The following AP3B2 variants were observed in gnomAD, a reference collection of about 807,000 sequenced individuals.
AP3B2 encodes the protein adaptor related protein complex 3 subunit beta 2, also known as AP-3 complex subunit beta-2.
AP3B2 carries 50 observed loss-of-function variants against 126.9 expected under a neutral mutation model. The ratio of observed to expected loss-of-function variants is 0.39; its 90% CI spans 0.31 to 0.50. AP3B2 has a LOEUF of 0.50. Among genes scored for constraint, AP3B2 ranks in the 20% least tolerant of loss-of-function variants. The probability of loss-of-function intolerance (pLI) is 0.79; values close to 1 mark genes in which losing one functional copy is unlikely to be tolerated. For missense variants in AP3B2, 1,177 were observed against 1,426.4 expected (o/e 0.83, Z 2.82); for synonymous variants, 541 against 565.0 (o/e 0.96, Z 0.60).
intron 25 of AP3B2, among the ~76,000 whole-genome samples, chr15:82,660,600 C>G (rs959452460): frequency 7.2e-5 from 11 of 152,312 alleles, no homozygotes; most frequent in African/African-American, 2.6e-4. Flanking sequence ...ATCCAGGCCC[C>G]CCATGGGAGC....
At chr15:82,675,820 G>A (rs2048233049) in intron 14 of AP3B2, among the ~76,000 whole-genome samples, 1 of 152,108 alleles carries the variant, frequency 6.6e-6, no homozygotes. Flanking sequence ...AAATCGTCAT[G>A]GTGTTTGATG....
intron 20 of AP3B2, 26 bp from the exon 21 acceptor site, chr15:82,663,646 T>C: frequency 2.5e-6 from 4 of 1,613,496 alleles, no homozygotes; most frequent in Non-Finnish European, 3.4e-6. Context: ...GGGATGTGGG[T>C]GTGGGGAAGG....
intron 3 of AP3B2, 88 bp downstream of exon 3, chr15:82,689,070 G>A (rs933795874): frequency 9.4e-6 from 14 of 1,481,620 alleles, no homozygotes; most frequent in Middle Eastern, 1.7e-4. Flanking sequence ...GGGCCCCCAG[G>A]GGCTAAATCA....
chr15:82,664,742 A>G lies in AP3B2; in HGVS notation c.2137+93T>C, dbSNP rs2048021380. On this transcript the variant is annotated intron_variant, in intron 18 of 26. Coordinates refer to ENST00000535359, the MANE Select transcript of AP3B2 (RefSeq NM_001278512.2). The surrounding 1 kb of genome is among the most constrained non-coding windows in gnomAD (Gnocchi z 4.5). ...AATTCACAAGCAGGTGCACACCCCT[A>G]GACACACAACCATATACATATACCC... is the stretch of plus-strand genomic sequence containing the variant. The G allele has an allele frequency of 5.6e-6, 6 of 1,071,784 alleles. No individual in the cohort carries two copies. The South Asian group carries it at 7.5e-5, about 13-fold the overall frequency. 66.4% of individuals were successfully genotyped at this position (1,071,784 alleles called of 1,614,324 possible).
chr15:82,664,293 A>G lies in AP3B2; in HGVS notation c.2261+74T>C. 1.2e-6 allele frequency: 2 copies of G among 1,606,536 alleles called. No individual in the cohort carries two copies. The highest frequency in any genetic ancestry group is 1.7e-6 in the Non-Finnish European group (2 of 1,178,212). Reference sequence around the variant, plus strand: ...CTCAGGGGCTCTTAGGAGACTGGCTAAAGCTCAATGCTAGCCCTCTTTCCA... The same window carrying G: ...CTCAGGGGCTCTTAGGAGACTGGCTGAAGCTCAATGCTAGCCCTCTTTCCA... On this transcript the variant is annotated intron_variant, in intron 19 of 26. Coordinates refer to ENST00000535359, the MANE Select transcript of AP3B2 (RefSeq NM_001278512.2). This position sits in a 1 kb window ranked among gnomAD's most constrained non-coding sequence, Gnocchi z 4.5.
In AP3B2 at chr15:82,699,868, C is replaced by T. The variant is rs139297857; in HGVS notation, c.113+9726G>A. On this transcript the variant is annotated intron_variant, in intron 1 of 26. Coordinates refer to ENST00000535359, the MANE Select transcript of AP3B2 (RefSeq NM_001278512.2). ...CACGGCCCCCGGGAGCTGCAGGAATCGCTGCATCAGGTTCTTCTCCAGGAA... is the reference window on the plus strand; with the variant it reads ...CACGGCCCCCGGGAGCTGCAGGAATTGCTGCATCAGGTTCTTCTCCAGGAA... The T allele has an allele frequency of 7.8e-4, 313 of 399,776 alleles. 1 individual carries two copies. Among genetic ancestry groups the T allele is most frequent in the East Asian group, 6.1e-3 (170 of 28,086 alleles). The allele number at this position is 399,776 out of a possible 1,614,324, so 24.8% of individuals were successfully genotyped here.
intron 1 of AP3B2, among the ~76,000 whole-genome samples, chr15:82,696,823 G>T (rs544908898): frequency 2.0e-5 from 3 of 152,262 alleles, no homozygotes; most frequent in South Asian, 2.1e-4. Flanking sequence ...AGTGATCAGA[G>T]AATTGTTAAT....
At chr15:82,701,763 G>A (rs1336559489) in intron 1 of AP3B2, among the ~76,000 whole-genome samples, 1 of 152,148 alleles carries the variant, frequency 6.6e-6, no homozygotes, top group East Asian at 1.9e-4. Context: ...TCATTTTTCT[G>A]TATGTTTTAA....
intron 22 of AP3B2, 69 bp downstream of exon 22, chr15:82,663,058 C>A: frequency 1.3e-6 from 2 of 1,508,994 alleles, no homozygotes; most frequent in Non-Finnish European, 1.8e-6. Flanking sequence ...CCACACACAT[C>A]CACACCATAG....
Position 82,680,477 on chromosome 15 carries a change from G to T in AP3B2, c.1050C>A (p.Ser350Arg). Residue 350 changes from serine (S) to arginine (R), a missense_variant, in exon 8 of 27, where the codon AGC becomes AGA. Around this residue, in one of 5 missense-constraint regions of AP3B2, gnomAD observed 308 missense variants for 452.4 expected, o/e 0.68. Coordinates refer to ENST00000535359, the MANE Select transcript of AP3B2 (RefSeq NM_001278512.2). This position sits in a 1 kb window ranked among gnomAD's most constrained non-coding sequence, Gnocchi z 6.1. ...IAKALVRLLRSHSEVQYVVLQ... is the reference protein window; with the variant it reads ...IAKALVRLLRRHSEVQYVVLQ... ...GGGCTGGGGGCGGAGCGCACCTGTGGCTGCGCAGCAGGCGCACCAGCGCCT... is the reference window on the plus strand; with the variant it reads ...GGGCTGGGGGCGGAGCGCACCTGTGTCTGCGCAGCAGGCGCACCAGCGCCT... 1 of 1,502,304 alleles carries T rather than the reference G, an allele frequency of 6.7e-7. No individual in the cohort carries two copies. Among genetic ancestry groups the T allele is most frequent in the South Asian group, 1.3e-5 (1 of 79,748 alleles). The allele number at this position is 1,502,304 out of a possible 1,614,324, so 93.1% of individuals were successfully genotyped here. A position where few individuals can be genotyped will look rare whatever the true frequency, so the allele number is the denominator to read the frequency against.
intron 4 of AP3B2, among the ~76,000 whole-genome samples, chr15:82,684,093 T>C (rs2048388041): frequency 1.3e-5 from 2 of 152,224 alleles, no homozygotes; most frequent in Non-Finnish European, 2.9e-5. Context: ...CATTGAGCAC[T>C]GGCCTCAACT....
At chr15:82,709,550 C>G in intron 1 of AP3B2, 44 bp downstream of exon 1, 1 of 1,399,286 alleles carries the variant, frequency 7.1e-7, no homozygotes, top group South Asian at 1.4e-5. Flanking sequence ...TCGCCCGGTC[C>G]CCGGCCCCAA....
chr15:82,674,033 G>A (rs1178712821), intron 14 of AP3B2, among the ~76,000 whole-genome samples: 1 of 152,108 alleles, frequency 6.6e-6, no homozygotes, highest in African/African-American at 2.4e-5. Context: ...TGCATGTTAT[G>A]CCTTTGTGGC....
chr15:82,706,738 T>A (rs932061937), intron 1 of AP3B2, among the ~76,000 whole-genome samples: 4 of 152,178 alleles, frequency 2.6e-5, no homozygotes, highest in Non-Finnish European at 5.9e-5. Flanking sequence ...CTTTCGTCAT[T>A]TCATAACCTC....
chr15:82,665,573 G>A lies in AP3B2; in HGVS notation c.1855C>T (p.Arg619Trp), dbSNP rs2048043539. 10 of 1,611,818 alleles carry A rather than the reference G, an allele frequency of 6.2e-6. No homozygotes were observed. The highest frequency in any genetic ancestry group is 2.2e-5 in the East Asian group (1 of 44,854). Reference protein sequence around the residue: ...APVLESSFKDRDHFQLGSLSH... With the variant: ...APVLESSFKDWDHFQLGSLSH... ...AGTGAGCCCAGCTGGAAGTGGTCCC[G>A]GTCTAGGGATAGGTTTAGAGGTCAG... is the stretch of plus-strand genomic sequence containing the variant. Residue 619 changes from arginine (R) to tryptophan (W), a missense_variant and splice_region_variant, in exon 16 of 27, where the codon CGG becomes TGG. Physicochemically the swap from Arg to Trp is moderately radical, Grantham distance 101. Coordinates refer to ENST00000535359, the MANE Select transcript of AP3B2 (RefSeq NM_001278512.2). The surrounding 1 kb of genome is among the most constrained non-coding windows in gnomAD (Gnocchi z 4.4).
Position 82,709,814 on chromosome 15 carries a change from G to T in AP3B2, c.-108C>A. On this transcript the variant is annotated 5_prime_UTR_variant, in exon 1 of 27. Coordinates refer to ENST00000535359, the MANE Select transcript of AP3B2 (RefSeq NM_001278512.2). Reference sequence around the variant, plus strand: ...CCGGTCCGGGCTGGCGAAGGCGGCGGCGCGGCAGGGGTTCAGCAGAGGCTG... The same window carrying T: ...CCGGTCCGGGCTGGCGAAGGCGGCGTCGCGGCAGGGGTTCAGCAGAGGCTG... 1.2e-6 allele frequency: 1 copy of T among 844,840 alleles called. No homozygotes were observed. Among genetic ancestry groups the T allele is most frequent in the Non-Finnish European group, 1.7e-6 (1 of 596,692 alleles). 52.3% of individuals were successfully genotyped at this position (844,840 alleles called of 1,614,324 possible).
chr15:82,683,050 T>G (rs1015165766), intron 4 of AP3B2, among the ~76,000 whole-genome samples: 1 of 71,792 alleles, frequency 1.4e-5, no homozygotes, highest in Non-Finnish European at 2.4e-5. Flanking sequence ...ACCAGGAGTT[T>G]TTTTTTTTTT....
Position 82,659,838 on chromosome 15 carries a change from C to G in AP3B2, c.3155+7G>C. 6.2e-7 allele frequency: 1 copy of G among 1,613,922 alleles called. No homozygotes were observed. Among genetic ancestry groups the G allele is most frequent in the Non-Finnish European group, 8.5e-7 (1 of 1,179,818 alleles). ...TCATCATTTCCCCTCTACTGGTGGC[C>G]TAGTACCTGTACTCATCAGATGTCC... On this transcript the variant is annotated splice_region_variant and intron_variant, in intron 26 of 26. Coordinates refer to ENST00000535359, the MANE Select transcript of AP3B2 (RefSeq NM_001278512.2).
intron 14 of AP3B2, among the ~76,000 whole-genome samples, chr15:82,671,417 C>A (rs940610836): frequency 6.6e-5 from 10 of 152,114 alleles, no homozygotes; most frequent in Non-Finnish European, 7.4e-5. Context: ...GTGGAAATGT[C>A]TGGAGAACAG....
Sources: gnomAD v4.1 joint callset for allele counts (sites outside exome capture counted in the v4.1 genomes callset) on GRCh38, gnomAD v4.1.1 for gene constraint, gnomAD v4.1.1 regional missense constraint, Gnocchi (gnomAD v3.1) non-coding constraint, MANE v1.5 for transcripts, NCBI Gene and HGNC (gene_info 2026-07-23, HGNC 2026-07-21) for gene names.